The following SURF4 variants were observed in gnomAD, a reference collection of about 807,000 sequenced individuals.
SURF4 encodes the protein surfeit locus protein 4.
In SURF4, 3 loss-of-function variants were observed where a neutral mutation model predicts 30.0. The observed-to-expected ratio is 0.10, with a 90% CI of 0.05 to 0.26. The LOEUF (loss-of-function observed/expected upper bound fraction) is 0.26. Among genes scored for constraint, SURF4 ranks in the 10% least tolerant of loss-of-function variants. The pLI, the probability that SURF4 is intolerant of heterozygous loss-of-function variation, is 1.00. For missense variants in SURF4, 217 were observed against 350.8 expected (o/e 0.62, Z 3.05); for synonymous variants, 143 against 139.9 (o/e 1.02, Z -0.16).
chr9:133,375,312 C>T (rs1837820413), intron 1 of SURF4: 1 of 985,488 alleles, frequency 1.0e-6, no homozygotes, highest in Non-Finnish European at 1.2e-6. Context: ...GGTCCCCACT[C>T]AATCCAGCCC....
At chr9:133,376,355 G>T, upstream of SURF4, 1 of 1,386,540 alleles carries the variant, frequency 7.2e-7, no homozygotes, top group Non-Finnish European at 9.4e-7. Flanking sequence ...CAGCGCGCGG[G>T]AGGGACGCCT....
chr9:133,370,804 G>T, intron 1 of SURF4: 1 of 1,180,472 alleles, frequency 8.5e-7, no homozygotes, highest in Non-Finnish European at 1.1e-6. Flanking sequence ...CCCCATTAGA[G>T]AACTGCGACA....
At chr9:133,369,305 G>A (rs1322368501) in intron 1 of SURF4, among the ~76,000 whole-genome samples, 2 of 152,174 alleles carry the variant, frequency 1.3e-5, no homozygotes, top group Admixed American at 6.5e-5. Flanking sequence ...ATCACCAAGT[G>A]GGTTTGGGAG....
rs1836938348 is a variant in SURF4 at position 133,363,312 on chromosome 9, G to A, written c.*181C>T. 9.6e-7 allele frequency: 1 copy of A among 1,045,860 alleles called. No homozygotes were observed. Among genetic ancestry groups the A allele is most frequent in the Non-Finnish European group, 1.5e-6 (1 of 687,022 alleles). 64.8% of individuals were successfully genotyped at this position (1,045,860 alleles called of 1,614,324 possible). On this transcript the variant is annotated 3_prime_UTR_variant, in exon 6 of 6. Transcript: ENST00000371989. The surrounding 1 kb of genome is among the most constrained non-coding windows in gnomAD (Gnocchi z 4.3). ...GGTCAGACGCCAGACTGTGGCTCCAGAGCAGACTGAGCCATCGATTCTCAG... is the reference window on the plus strand; with the variant it reads ...GGTCAGACGCCAGACTGTGGCTCCAAAGCAGACTGAGCCATCGATTCTCAG...
upstream of SURF4, chr9:133,376,218 G>A: frequency 1.6e-6 from 2 of 1,279,172 alleles, no homozygotes; most frequent in Admixed American, 4.3e-5. Flanking sequence ...TCGAAGCCAC[G>A]CCCGCCGCGC....
At chr9:133,370,793 C>T (rs1326152692) in intron 1 of SURF4, 4 of 1,082,034 alleles carry the variant, frequency 3.7e-6, no homozygotes, top group African/African-American at 3.2e-5. Context: ...GTCCCCCTCC[C>T]CCCCATTAGA....
intron 2 of SURF4, 24 bp from the exon 3 acceptor site, chr9:133,366,699 G>T (rs2130131866): frequency 6.2e-7 from 1 of 1,610,998 alleles, no homozygotes; most frequent in Non-Finnish European, 8.5e-7. Context: ...CAAGGGTTAG[G>T]GGGCCTGAGG....
upstream of SURF4, chr9:133,376,065 G>C (rs998403488): frequency 8.3e-7 from 1 of 1,201,540 alleles, no homozygotes; most frequent in Non-Finnish European, 1.0e-6. Context: ...GGAAGTGCCC[G>C]GCGGCCGGCC....
At chr9:133,364,029 C>T in intron 5 of SURF4, 1 of 682,880 alleles carries the variant, frequency 1.5e-6, no homozygotes, top group East Asian at 2.7e-5. Flanking sequence ...AATCTCTAAT[C>T]CATAACTAAA....
rs2130095556 is a variant in SURF4, at chr9:133,363,887, C to T, written c.544-128G>A. ...CAGGCTGATGTAGCTACTGCTGAGA[C>T]GGCTGCTGGTGCAAGTAGGGAGATA... On this transcript the variant is annotated intron_variant, in intron 5 of 5. Coordinates refer to ENST00000371989, the MANE Select transcript of SURF4 (RefSeq NM_033161.4). The surrounding 1 kb of genome is among the most constrained non-coding windows in gnomAD (Gnocchi z 4.3). 2.2e-5 allele frequency: 26 copies of T among 1,206,212 alleles called. No individual in the cohort carries two copies. The highest frequency in any genetic ancestry group is 1.9e-4 in the Admixed American group (10 of 51,564). 74.7% of individuals were successfully genotyped at this position (1,206,212 alleles called of 1,614,324 possible).
At chr9:133,370,624 T>TGTC (rs2119157821) in intron 1 of SURF4, among the ~76,000 whole-genome samples, 1 of 152,176 alleles carries the variant, frequency 6.6e-6, no homozygotes, top group East Asian at 1.9e-4. Flanking sequence ...CCAGAGCCAG[T>TGTC]GTCCCCTCAG....
chr9:133,363,883 G>C lies in SURF4; in HGVS notation c.544-124C>G, dbSNP rs2130095399. The C allele has an allele frequency of 9.7e-6, 12 of 1,238,050 alleles. No homozygotes were observed. Among genetic ancestry groups the C allele is most frequent in the Middle Eastern group, 3.7e-4 (2 of 5,380 alleles). 76.7% of individuals were successfully genotyped at this position (1,238,050 alleles called of 1,614,324 possible). A position where few individuals can be genotyped will look rare whatever the true frequency, so the allele number is the denominator to read the frequency against. On this transcript the variant is annotated intron_variant, in intron 5 of 5. Transcript: ENST00000371989. The surrounding 1 kb of genome is among the most constrained non-coding windows in gnomAD (Gnocchi z 4.3). ...CCATCAGGCTGATGTAGCTACTGCTGAGACGGCTGCTGGTGCAAGTAGGGA... is the reference window on the plus strand; with the variant it reads ...CCATCAGGCTGATGTAGCTACTGCTCAGACGGCTGCTGGTGCAAGTAGGGA...
intron 1 of SURF4, among the ~76,000 whole-genome samples, chr9:133,373,909 C>CAAAAAAAAAA (rs71824689): frequency 0.01 from 476 of 47,462 alleles, 29 homozygotes; most frequent in Non-Finnish European, 0.017. Flanking sequence ...AATTCTGTCT[C>CAAAAAAAAAA]AAAAAAAAAA....
At chr9:133,364,368 C>T (rs1341646793) in intron 5 of SURF4, among the ~76,000 whole-genome samples, 2 of 152,162 alleles carry the variant, frequency 1.3e-5, no homozygotes, top group South Asian at 2.1e-4. Context: ...AAGAGATTGA[C>T]GATGTTTTGG....
upstream of SURF4, among the ~76,000 whole-genome samples, chr9:133,377,282 C>G (rs899904821): frequency 6.6e-6 from 1 of 152,142 alleles, no homozygotes; most frequent in African/African-American, 2.4e-5. Flanking sequence ...AGACTTGATT[C>G]GAGATACGGC....
At chr9:133,375,501 G>A (rs1450798082) in intron 1 of SURF4, 1 of 842,314 alleles carries the variant, frequency 1.2e-6, no homozygotes, top group Non-Finnish European at 1.4e-6. Context: ...CGAGCTCCCA[G>A]CCCGCCTCCG....
intron 1 of SURF4, chr9:133,371,203 G>A (rs1481802858): frequency 6.7e-6 from 6 of 892,272 alleles, no homozygotes; most frequent in African/African-American, 1.8e-5. Flanking sequence ...GAACATCGAC[G>A]AAAAAGGCAG....
intron 1 of SURF4, chr9:133,371,268 A>G: frequency 3.2e-6 from 1 of 308,806 alleles, no homozygotes; most frequent in Non-Finnish European, 4.7e-6. Flanking sequence ...AGCCCAACTC[A>G]GGTCCCACAC....
intron 1 of SURF4, among the ~76,000 whole-genome samples, chr9:133,369,929 C>T (rs1041231838): frequency 1.2e-4 from 19 of 152,188 alleles, no homozygotes; most frequent in African/African-American, 4.3e-4. Context: ...GTGGGACTCC[C>T]AGGGCAGGGT....
Sources: allele counts gnomAD v4.1 joint callset (sites outside exome capture counted in the v4.1 genomes callset), GRCh38; gene constraint gnomAD v4.1.1; non-coding constraint Gnocchi (gnomAD v3.1); transcripts MANE v1.5; gene names NCBI Gene and HGNC (gene_info 2026-07-23, HGNC 2026-07-21).